Variants in SLC71A2 observed in about 807,000 individuals in gnomAD.
The protein encoded by SLC71A2 is solute carrier family 71 member 2, also known as hippocampus abundant transcript-like 1.
the SLC71A2 span, among the ~76,000 whole-genome samples, chr9:94,430,013 T>C: frequency 4.3e-4 from 65 of 150,348 alleles, no homozygotes; most frequent in African/African-American, 1.4e-3. Context: ...TTCAAGCAAT[T>C]CTCCTGCCTC....
the SLC71A2 span, among the ~76,000 whole-genome samples, chr9:94,408,975 C>T: frequency 0.068 from 10,331 of 151,008 alleles, 452 homozygotes; most frequent in Non-Finnish European, 0.1. Flanking sequence ...TACAGGCATC[C>T]GCCACCACGC....
the SLC71A2 span, chr9:94,460,671 A>G: frequency 8.7e-6 from 1 of 114,338 alleles, no homozygotes. Flanking sequence ...AGATATTTGT[A>G]AAGGGTTTTA....
chr9:94,435,196 C>T, the SLC71A2 span, among the ~76,000 whole-genome samples: 1 of 152,198 alleles, frequency 6.6e-6, no homozygotes, highest in Admixed American at 6.6e-5. Context: ...ATTTAATTCT[C>T]CAGCTACTCT....
chr9:94,458,414 G>C, the SLC71A2 span: 7 of 1,614,102 alleles, frequency 4.3e-6, no homozygotes, highest in Non-Finnish European at 5.9e-6. Flanking sequence ...GTTCCATGTG[G>C]AACTGACTGA....
At chr9:94,456,660 A>C in the SLC71A2 span, among the ~76,000 whole-genome samples, 2 of 152,148 alleles carry the variant, frequency 1.3e-5, no homozygotes, top group South Asian at 4.1e-4. Flanking sequence ...ATTTTAACAG[A>C]TGTCTATTAA....
chr9:94,417,785 C>T, the SLC71A2 span, among the ~76,000 whole-genome samples: 1 of 150,176 alleles, frequency 6.7e-6, no homozygotes, highest in Non-Finnish European at 1.5e-5. Flanking sequence ...AGTTTTTGAC[C>T]ATTATTTCTT....
chr9:94,391,379 G>A, the SLC71A2 span, among the ~76,000 whole-genome samples: 1 of 150,402 alleles, frequency 6.6e-6, no homozygotes, highest in Admixed American at 6.6e-5. Flanking sequence ...AAAAAAAAAG[G>A]AAAAAGGAAA....
chr9:94,410,455 A>G, the SLC71A2 span, among the ~76,000 whole-genome samples: 31 of 151,840 alleles, frequency 2.0e-4, no homozygotes, highest in African/African-American at 7.3e-4. Flanking sequence ...CCCAGGCTGG[A>G]CTTGAACTCC....
chr9:94,386,824 A>C, the SLC71A2 span, among the ~76,000 whole-genome samples: 2 of 152,208 alleles, frequency 1.3e-5, no homozygotes, highest in South Asian at 4.1e-4. Context: ...GGTTGTATAA[A>C]GCAGAAGGGT....
the SLC71A2 span, among the ~76,000 whole-genome samples, chr9:94,396,723 A>T: frequency 6.6e-6 from 1 of 152,228 alleles, no homozygotes; most frequent in African/African-American, 2.4e-5. Flanking sequence ...TAAGCAGTGG[A>T]CTAGATTTGG....
chr9:94,434,561 C>T, the SLC71A2 span, among the ~76,000 whole-genome samples: 655 of 152,140 alleles, frequency 4.3e-3, 4 homozygotes, highest in African/African-American at 0.015. Context: ...GTGATCCTCC[C>T]GCCTCAGCCT....
the SLC71A2 span, chr9:94,445,133 C>T: frequency 5.6e-6 from 9 of 1,614,098 alleles, no homozygotes; most frequent in East Asian, 4.5e-5. Context: ...AAAATGAGAC[C>T]GGTTTCCTGG....
chr9:94,434,957 C>CACT, the SLC71A2 span, among the ~76,000 whole-genome samples: 16 of 152,256 alleles, frequency 1.1e-4, no homozygotes, highest in Non-Finnish European at 2.2e-4. Flanking sequence ...AGTATTCAAC[C>CACT]ACTACCTCCT....
the SLC71A2 span, among the ~76,000 whole-genome samples, chr9:94,380,005 C>A: frequency 6.6e-6 from 1 of 152,320 alleles, no homozygotes; most frequent in Non-Finnish European, 1.5e-5. Flanking sequence ...CGGTGGCTTA[C>A]GCCTATAATC....
the SLC71A2 span, among the ~76,000 whole-genome samples, chr9:94,391,555 A>G: frequency 4.0e-5 from 6 of 151,202 alleles, no homozygotes; most frequent in African/African-American, 1.5e-4. Context: ...GGTTTTGTTG[A>G]TTTTGAGAGT....
the SLC71A2 span, among the ~76,000 whole-genome samples, chr9:94,408,141 A>G: frequency 1.3e-5 from 2 of 152,238 alleles, no homozygotes; most frequent in Admixed American, 6.5e-5. Flanking sequence ...GTTGAACTTA[A>G]GATTTTTCAA....
chr9:94,439,464 T>C, the SLC71A2 span, among the ~76,000 whole-genome samples: 2 of 152,054 alleles, frequency 1.3e-5, no homozygotes, highest in Non-Finnish European at 2.9e-5. Flanking sequence ...TGTATTCCTA[T>C]TGCAGAGATG....
At chr9:94,423,395 C>T in the SLC71A2 span, among the ~76,000 whole-genome samples, 1 of 151,954 alleles carries the variant, frequency 6.6e-6, no homozygotes, top group Non-Finnish European at 1.5e-5. Context: ...TGCATAGTGA[C>T]GTCGTGACCC....
the SLC71A2 span, among the ~76,000 whole-genome samples, chr9:94,381,251 G>C: frequency 1.3e-4 from 19 of 149,894 alleles, no homozygotes; most frequent in Admixed American, 1.3e-3. Flanking sequence ...GGTCAGGCTG[G>C]TCTCAAACTC....
Sources: allele counts gnomAD v4.1 joint callset (sites outside exome capture counted in the v4.1 genomes callset), GRCh38; gene constraint gnomAD v4.1.1; transcripts MANE v1.5; gene names NCBI Gene and HGNC (gene_info 2026-07-23, HGNC 2026-07-21).